GLB1: variants seen among roughly 807,000 people sequenced by gnomAD.
The protein encoded by GLB1 is beta-galactosidase.
Under a neutral mutation model 74.0 loss-of-function variants are expected in GLB1, and 56 were observed. The ratio of observed to expected loss-of-function variants is 0.76; its 90% CI spans 0.61 to 0.94. The LOEUF (loss-of-function observed/expected upper bound fraction) is 0.94, where lower values mean the gene tolerates loss of function less well. GLB1 is among the 40% of genes least tolerant of loss of function. GLB1 has a pLI of 0.00. For synonymous variants in GLB1, 323 were observed against 323.6 expected (o/e 1.00, Z 0.02); for missense variants, 787 against 845.5 (o/e 0.93, Z 0.86).
At chr3:33,034,120 G>C (rs1298568810) in intron 10 of GLB1, 3 of 609,934 alleles carry the variant, frequency 4.9e-6, no homozygotes, top group Non-Finnish European at 9.4e-6. Context: ...TCATTATCTG[G>C]AAAGAGGAAA....
At chr3:33,094,607 AG>A (rs1700925161) in intron 1 of GLB1, among the ~76,000 whole-genome samples, 1 of 152,228 alleles carries the variant, frequency 6.6e-6, no homozygotes, top group Non-Finnish European at 1.5e-5. Context: ...AGAGCCCTTC[AG>A]GGGTCCAATT....
At chr3:33,033,962 G>T in intron 10 of GLB1, 1 of 555,470 alleles carries the variant, frequency 1.8e-6, no homozygotes, top group Non-Finnish European at 3.6e-6. Context: ...CTGCTCATCA[G>T]AAAAATCCGT....
At chr3:32,983,451 T>C in the GLB1 span, among the ~76,000 whole-genome samples, 6 of 152,328 alleles carry the variant, frequency 3.9e-5, no homozygotes, top group East Asian at 9.6e-4. Context: ...TGCTATTTTG[T>C]TCTTTTGCAA....
At chr3:33,012,495 G>A (rs1423833748) in intron 15 of GLB1, among the ~76,000 whole-genome samples, 1 of 152,160 alleles carries the variant, frequency 6.6e-6, no homozygotes, top group Non-Finnish European at 1.5e-5. Flanking sequence ...TGTCTATGAT[G>A]AAGTAGACTC....
chr3:33,034,567 C>G (rs1219183674), intron 10 of GLB1: 33 of 722,400 alleles, frequency 4.6e-5, no homozygotes, highest in South Asian at 4.5e-4. Context: ...GTGTGTTCAT[C>G]TGGACCTGTG....
At chr3:33,003,048 T>C (rs1309887271) in intron 15 of GLB1, among the ~76,000 whole-genome samples, 1 of 152,228 alleles carries the variant, frequency 6.6e-6, no homozygotes, top group Admixed American at 6.5e-5. Flanking sequence ...AATTCTCCCC[T>C]TCCTTCAGAA....
chr3:32,962,440 G>A, the GLB1 span, among the ~76,000 whole-genome samples: 4 of 152,210 alleles, frequency 2.6e-5, no homozygotes, highest in East Asian at 7.7e-4. Flanking sequence ...AACTTTCTGT[G>A]CCATCTTCAC....
intron 4 of GLB1, among the ~76,000 whole-genome samples, chr3:33,066,068 G>A (rs574224233): frequency 1.2e-4 from 18 of 152,056 alleles, no homozygotes; most frequent in African/African-American, 3.6e-4. Flanking sequence ...TACAGGACTC[G>A]ACAAGTACCT....
intron 1 of GLB1, chr3:33,091,680 T>G: frequency 1.0e-6 from 1 of 985,284 alleles, no homozygotes; most frequent in South Asian, 4.7e-5. Context: ...AAACCAAGGC[T>G]GAGTGAGGGA....
In GLB1 at chr3:33,093,284, G is replaced by A. The variant is rs752916567; in HGVS notation, c.75+3727C>T. 5 of 1,613,992 alleles carry A rather than the reference G, an allele frequency of 3.1e-6. No individual in the cohort carries two copies. Among genetic ancestry groups the A allele is most frequent in the Non-Finnish European group, 3.4e-6 (4 of 1,180,040 alleles). On this transcript the variant is annotated intron_variant, in intron 1 of 15. Coordinates refer to ENST00000307363, the MANE Select transcript of GLB1 (RefSeq NM_000404.4). The surrounding 1 kb of genome is among the most constrained non-coding windows in gnomAD (Gnocchi z 6.0). ...GGGCCCGTGTGGCGGAAATCTTCACGTTCTCATTATGAAGAGGCTGGACAT... is the reference window on the plus strand; with the variant it reads ...GGGCCCGTGTGGCGGAAATCTTCACATTCTCATTATGAAGAGGCTGGACAT...
intron 9 of GLB1, 132 bp downstream of exon 9, chr3:33,051,626 G>GAAAGA (rs1698992324): frequency 9.1e-7 from 1 of 1,103,710 alleles, no homozygotes. Flanking sequence ...AAAAGAAAAA[G>GAAAGA]AAAAAAAAAG....
At chr3:33,032,186 C>T (rs1018287885) in intron 10 of GLB1, among the ~76,000 whole-genome samples, 1 of 152,142 alleles carries the variant, frequency 6.6e-6, no homozygotes, top group African/African-American at 2.4e-5. Context: ...TTTTGCTTGG[C>T]CCATTGCCCT....
chr3:32,994,292 G>T (rs1696269445), downstream of GLB1, among the ~76,000 whole-genome samples: 1 of 152,136 alleles, frequency 6.6e-6, no homozygotes, highest in South Asian at 2.1e-4. Context: ...CAAACCTCAC[G>T]GTATGCTGAG....
the GLB1 span, among the ~76,000 whole-genome samples, chr3:32,984,724 C>A: frequency 3.3e-5 from 5 of 151,586 alleles, no homozygotes; most frequent in African/African-American, 9.7e-5. Flanking sequence ...GAGTTTGAGA[C>A]CATCCTGGCT....
In GLB1 at chr3:33,081,637, G is replaced by A. The variant is rs115871686; in HGVS notation, c.76-8924C>T. Among the ~76,000 whole-genome samples, 1,072 of 152,310 alleles carry A rather than the reference G, an allele frequency of 7.0e-3. 17 individuals carry two copies. The highest frequency in any genetic ancestry group is 0.024 in the African/African-American group (1,006 of 41,562). On this transcript the variant is annotated intron_variant, in intron 1 of 15. Coordinates refer to ENST00000307363, the MANE Select transcript of GLB1 (RefSeq NM_000404.4). ...GGGCCATCCTCTGCAGGCAAGGGGC[G>A]CCCTAGTGTCGCTGGGGATGATGAG...
intron 5 of GLB1, chr3:33,061,684 T>C (rs1044251298): frequency 2.0e-5 from 3 of 152,240 alleles, no homozygotes; most frequent in African/African-American, 2.4e-5. Context: ...CAAACAGTCA[T>C]AAATAGGCTT....
the GLB1 span, among the ~76,000 whole-genome samples, chr3:32,984,138 C>A: frequency 6.6e-6 from 1 of 152,150 alleles, no homozygotes; most frequent in Non-Finnish European, 1.5e-5. Context: ...TTGGACTAAT[C>A]TTGTGACACA....
At chr3:32,985,121 A>G in the GLB1 span, among the ~76,000 whole-genome samples, 1 of 151,438 alleles carries the variant, frequency 6.6e-6, no homozygotes, top group African/African-American at 2.4e-5. Context: ...AAAAAAAAAA[A>G]AAAAGCAGAA....
chr3:32,976,152 A>G, the GLB1 span, among the ~76,000 whole-genome samples: 12 of 152,090 alleles, frequency 7.9e-5, no homozygotes, highest in African/African-American at 1.2e-4. Flanking sequence ...CTGGGCCTCA[A>G]CCATCCAACC....
Sources: gnomAD v4.1 joint callset for allele counts (sites outside exome capture counted in the v4.1 genomes callset) on GRCh38, gnomAD v4.1.1 for gene constraint, Gnocchi (gnomAD v3.1) non-coding constraint, MANE v1.5 for transcripts, NCBI Gene and HGNC (gene_info 2026-07-23, HGNC 2026-07-21) for gene names.